SLIT3: variants seen among roughly 807,000 people sequenced by gnomAD.
SLIT3 encodes the protein slit guidance ligand 3.
Under a neutral mutation model 184.0 loss-of-function variants are expected in SLIT3, and 68 were observed. The ratio of observed to expected loss-of-function variants is 0.37; its 90% CI spans 0.30 to 0.45. The LOEUF is 0.45. Among genes scored for constraint, SLIT3 ranks in the 20% least tolerant of loss-of-function variants. SLIT3 has a pLI of 1.00. For missense variants in SLIT3, 1,707 were observed against 2,026.0 expected (o/e 0.84, Z 3.02); for synonymous variants, 831 against 828.6 (o/e 1.00, Z -0.05).
At chr5:169,278,608 C>G (rs982504071) in intron 1 of SLIT3, among the ~76,000 whole-genome samples, 1 of 152,124 alleles carries the variant, frequency 6.6e-6, no homozygotes, top group East Asian at 1.9e-4. Context: ...CAAAGAAAAC[C>G]CTGCTTCTGC....
At chr5:169,123,378 G>A (rs939273208) in intron 4 of SLIT3, among the ~76,000 whole-genome samples, 2 of 151,928 alleles carry the variant, frequency 1.3e-5, no homozygotes, top group Non-Finnish European at 2.9e-5. Flanking sequence ...TTTCAAGAAG[G>A]AATGAGATGA....
Position 168,679,745 on chromosome 5 carries a change from CCA to C in SLIT3, c.3686+4219_3686+4220del, listed in dbSNP as rs1761525227. Among the ~76,000 whole-genome samples the C allele has an allele frequency of 2.0e-5, 3 of 152,152 alleles. No homozygotes were observed. In the South Asian group the frequency reaches 6.2e-4, roughly 32 times the overall value. ...CAACCCCCTACTCCTGTAGCACAGC[CCA>C]CACTCTCTCGGCTCTGTCTTTCATG... On this transcript the variant is annotated intron_variant, in intron 32 of 35. Transcript: ENST00000519560.
intron 2 of SLIT3, among the ~76,000 whole-genome samples, chr5:169,249,448 T>A (rs1765702669): frequency 6.6e-6 from 1 of 152,254 alleles, no homozygotes; most frequent in Non-Finnish European, 1.5e-5. Flanking sequence ...TTAAACTTTC[T>A]ATTTGCAGAA....
intron 4 of SLIT3, among the ~76,000 whole-genome samples, chr5:168,956,522 A>T (rs915248346): frequency 6.6e-6 from 1 of 152,236 alleles, no homozygotes; most frequent in Non-Finnish European, 1.5e-5. Context: ...GGGGCCAGGC[A>T]TGGTGGCTCA....
intron 4 of SLIT3, among the ~76,000 whole-genome samples, chr5:169,187,043 G>A (rs988505888): frequency 1.8e-4 from 27 of 147,644 alleles, no homozygotes; most frequent in African/African-American, 6.0e-4. Context: ...CAAATACCTC[G>A]TATAACTGAA....
intron 4 of SLIT3, among the ~76,000 whole-genome samples, chr5:169,152,940 T>A (rs977682281): frequency 6.6e-6 from 1 of 152,184 alleles, no homozygotes; most frequent in African/African-American, 2.4e-5. Context: ...CTGGTTTCGC[T>A]GTGAGTCATT....
At chr5:169,080,660 T>C (rs1400683934) in intron 4 of SLIT3, among the ~76,000 whole-genome samples, 1 of 152,124 alleles carries the variant, frequency 6.6e-6, no homozygotes, top group Non-Finnish European at 1.5e-5. Flanking sequence ...ACCTGGCCTC[T>C]TCCCCAAACC....
At chr5:168,939,223 G>A (rs535298660) in intron 4 of SLIT3, among the ~76,000 whole-genome samples, 2 of 152,314 alleles carry the variant, frequency 1.3e-5, no homozygotes, top group Non-Finnish European at 2.9e-5. Flanking sequence ...GATTGATGAG[G>A]AAGGGCCTTC....
chr5:168,820,130 G>A (rs760921162), intron 7 of SLIT3, among the ~76,000 whole-genome samples: 42 of 152,226 alleles, frequency 2.8e-4, no homozygotes, highest in Non-Finnish European at 4.7e-4. Context: ...GCACTGTCAG[G>A]GGTAGCGCTA....
At chr5:169,026,771 G>C (rs1756841659) in intron 4 of SLIT3, 1 of 151,020 alleles carries the variant, frequency 6.6e-6, no homozygotes, top group African/African-American at 2.5e-5. Flanking sequence ...TTTATGCAGT[G>C]AGCTTCTATG....
intron 29 of SLIT3, among the ~76,000 whole-genome samples, chr5:168,687,802 G>A (rs1350473596): frequency 2.0e-5 from 3 of 152,204 alleles, no homozygotes; most frequent in African/African-American, 7.2e-5. Context: ...GATACTGTTT[G>A]CACTCTGAGA....
Position 168,753,844 on chromosome 5 carries a change from G to T in SLIT3, c.1829+20C>A. 1 of 1,606,818 alleles carries T rather than the reference G, an allele frequency of 6.2e-7. No individual in the cohort carries two copies. On this transcript the variant is annotated intron_variant, in intron 17 of 35. Coordinates refer to ENST00000519560, the MANE Select transcript of SLIT3 (RefSeq NM_003062.4). Reference sequence around the variant, plus strand: ...CGTCTCCCTCTGGGTCTTGGCCCAGGCCCCACCCCAGGCACTCACAAGGTT... The same window carrying T: ...CGTCTCCCTCTGGGTCTTGGCCCAGTCCCCACCCCAGGCACTCACAAGGTT...
chr5:168,755,366 C>T (rs1185924505), intron 16 of SLIT3, among the ~76,000 whole-genome samples: 1 of 142,422 alleles, frequency 7.0e-6, no homozygotes. Context: ...TGAGCTTGGT[C>T]CTATCAAACC....
intron 4 of SLIT3, among the ~76,000 whole-genome samples, chr5:169,131,802 G>T (rs1581440816): frequency 6.6e-6 from 1 of 152,210 alleles, no homozygotes; most frequent in Non-Finnish European, 1.5e-5. Context: ...GCAAAAGCAT[G>T]AACTCCCTGT....
chr5:169,164,563 G>A (rs116143734), intron 4 of SLIT3, among the ~76,000 whole-genome samples: 7 of 152,078 alleles, frequency 4.6e-5, no homozygotes, highest in East Asian at 1.9e-4. Context: ...CATTCTCTCC[G>A]GGCTGTTCTG....
Position 168,663,290 on chromosome 5 carries a change from G to A in SLIT3, c.*3164C>T, listed in dbSNP as rs1167724825. 1 of 152,200 alleles carries A rather than the reference G, an allele frequency of 6.6e-6. No individual in the cohort carries two copies. Among genetic ancestry groups the A allele is most frequent in the African/African-American group, 2.4e-5 (1 of 41,380 alleles). The allele number at this position is 152,200 out of a possible 1,614,324, so 9.4% of individuals were successfully genotyped here. On this transcript the variant is annotated 3_prime_UTR_variant, in exon 36 of 36. Transcript: ENST00000519560. The stretch of plus-strand genomic sequence containing the variant: ...GATCCACCTGCCTAGGGGGAGAGGG[G>A]GGATGGGGCAATGGAGGTGGGGATG...
At chr5:168,905,124 C>T (rs887743769) in intron 4 of SLIT3, among the ~76,000 whole-genome samples, 1 of 152,084 alleles carries the variant, frequency 6.6e-6, no homozygotes, top group Non-Finnish European at 1.5e-5. Context: ...ATGCAGTGAG[C>T]TGAGATCATG....
At chr5:169,240,847 CT>C (rs1170424199) in intron 3 of SLIT3, among the ~76,000 whole-genome samples, 5 of 149,224 alleles carry the variant, frequency 3.4e-5, no homozygotes, top group Non-Finnish European at 5.9e-5. Context: ...TACTGTGCTC[CT>C]TTCCCCTGAG....
intron 6 of SLIT3, among the ~76,000 whole-genome samples, chr5:168,834,227 T>C (rs978918072): frequency 8.5e-5 from 13 of 152,182 alleles, no homozygotes; most frequent in East Asian, 1.9e-4. Context: ...TCTTACCCAG[T>C]TGACTTTGTG....
Sources: allele counts gnomAD v4.1 joint callset (sites outside exome capture counted in the v4.1 genomes callset), GRCh38; gene constraint gnomAD v4.1.1; transcripts MANE v1.5; gene names NCBI Gene and HGNC (gene_info 2026-07-23, HGNC 2026-07-21).